PTPRD: variants seen among roughly 807,000 people sequenced by gnomAD.
The protein encoded by PTPRD is protein tyrosine phosphatase receptor type D, also known as receptor-type tyrosine-protein phosphatase delta.
PTPRD carries 34 observed loss-of-function variants against 214.5 expected under a neutral mutation model. The observed-to-expected ratio is 0.16, with a 90% CI of 0.12 to 0.21. The LOEUF is 0.21. Among genes scored for constraint, PTPRD ranks in the 10% least tolerant of loss-of-function variants. The pLI is 1.00. For missense variants in PTPRD, 2,545 were observed against 2,398.7 expected (o/e 1.06, Z -1.27); for synonymous variants, 1,128 against 845.7 (o/e 1.33, Z -5.79).
At chr9:9,946,720 C>T (rs1024493039) in intron 4 of PTPRD, among the ~76,000 whole-genome samples, 1 of 152,066 alleles carries the variant, frequency 6.6e-6, no homozygotes, top group African/African-American at 2.4e-5. Flanking sequence ...AATACAGAGA[C>T]CCTCTAATGT....
intron 9 of PTPRD, among the ~76,000 whole-genome samples, chr9:9,218,532 G>A (rs1418410218): frequency 1.3e-5 from 2 of 152,078 alleles, no homozygotes; most frequent in Non-Finnish European, 2.9e-5. Flanking sequence ...GGTACAGAAA[G>A]GACACTGGTG....
Position 9,450,108 on chromosome 9 carries a change from G to GTC in PTPRD, c.-236-52627_-236-52626insGA, listed in dbSNP as rs551744713. On this transcript the variant is annotated intron_variant, in intron 8 of 45. Transcript: ENST00000381196. ...GTAGTATTCCATGGTGTGTGTGTGT[G>GTC]TGTGTGTGTGTCTGTGTGTGTGTGT... Among the ~76,000 whole-genome samples the GTC allele has an allele frequency of 8.3e-3, 639 of 77,228 alleles. 3 individuals carry two copies. The highest frequency in any genetic ancestry group is 0.026 in the African/African-American group (581 of 22,784). The allele number at this position is 77,228 out of a possible 152,430, so 50.7% of individuals were successfully genotyped here.
intron 10 of PTPRD, among the ~76,000 whole-genome samples, chr9:9,090,109 A>G (rs1005503947): frequency 6.6e-6 from 1 of 152,116 alleles, no homozygotes; most frequent in Non-Finnish European, 1.5e-5. Flanking sequence ...GAAATATACA[A>G]TATATTGTTG....
intron 5 of PTPRD, among the ~76,000 whole-genome samples, chr9:9,782,494 G>T (rs1029733517): frequency 3.3e-5 from 5 of 152,134 alleles, no homozygotes; most frequent in African/African-American, 4.8e-5. Context: ...ATTAACTGAG[G>T]AAAGAATATT....
intron 3 of PTPRD, among the ~76,000 whole-genome samples, chr9:10,114,751 C>G (rs913875993): frequency 6.6e-6 from 1 of 151,932 alleles, no homozygotes; most frequent in African/African-American, 2.4e-5. Context: ...TAAAACAATG[C>G]TAATATAGCT....
intron 37 of PTPRD, among the ~76,000 whole-genome samples, chr9:8,379,526 A>G (rs2084308657): frequency 6.6e-6 from 1 of 152,190 alleles, no homozygotes; most frequent in South Asian, 2.1e-4. Context: ...AGTGAGAAAG[A>G]AAAAGGAGAA....
chr9:10,014,237 C>T (rs760265046), intron 4 of PTPRD, among the ~76,000 whole-genome samples: 6 of 151,904 alleles, frequency 3.9e-5, no homozygotes, highest in Non-Finnish European at 7.4e-5. Flanking sequence ...ATGTTTTTCT[C>T]ACTTCACAGA....
intron 11 of PTPRD, among the ~76,000 whole-genome samples, chr9:9,006,112 G>A (rs1165965919): frequency 6.6e-6 from 1 of 151,930 alleles, no homozygotes; most frequent in Non-Finnish European, 1.5e-5. Context: ...GAAGCACAGT[G>A]CAACTGATTC....
chr9:9,402,989 AC>A (rs1241388440), intron 8 of PTPRD, among the ~76,000 whole-genome samples: 322 of 120,592 alleles, frequency 2.7e-3, no homozygotes, highest in Non-Finnish European at 3.1e-3. Flanking sequence ...AAAAAAAAAA[AC>A]ACCAAAAAAA....
chr9:10,154,072 A>C (rs2099078734), intron 3 of PTPRD, among the ~76,000 whole-genome samples: 1 of 152,158 alleles, frequency 6.6e-6, no homozygotes, highest in Non-Finnish European at 1.5e-5. Flanking sequence ...CAATGGTTGA[A>C]TTAATTTACA....
intron 11 of PTPRD, among the ~76,000 whole-genome samples, chr9:8,751,583 T>C (rs1316673597): frequency 6.6e-6 from 1 of 152,216 alleles, no homozygotes; most frequent in Non-Finnish European, 1.5e-5. Context: ...ACATTCTTTC[T>C]TTCAGGATTT....
chr9:9,785,734 A>T (rs909790942), intron 5 of PTPRD, among the ~76,000 whole-genome samples: 1 of 152,242 alleles, frequency 6.6e-6, no homozygotes, highest in African/African-American at 2.4e-5. Context: ...GTCTCATATT[A>T]ATTAATATTA....
At chr9:8,935,855 C>T in intron 11 of PTPRD, among the ~76,000 whole-genome samples, 1 of 152,108 alleles carries the variant, frequency 6.6e-6, no homozygotes, top group East Asian at 1.9e-4. Context: ...ATACAGTTTC[C>T]TTTTGGGGTT....
intron 11 of PTPRD, among the ~76,000 whole-genome samples, chr9:8,770,598 C>A (rs768996980): frequency 4.6e-5 from 7 of 152,128 alleles, no homozygotes; most frequent in Non-Finnish European, 1.0e-4. Flanking sequence ...CAAAATCTTA[C>A]ACTTCAGACC....
chr9:9,894,187 A>C (rs929478209), intron 5 of PTPRD, among the ~76,000 whole-genome samples: 1 of 151,038 alleles, frequency 6.6e-6, no homozygotes, highest in Non-Finnish European at 1.5e-5. Flanking sequence ...TCTCCCCTAA[A>C]CTCCTTCAAC....
chr9:8,709,975 A>C (rs2098295666), intron 12 of PTPRD, among the ~76,000 whole-genome samples: 1 of 152,180 alleles, frequency 6.6e-6, no homozygotes, highest in African/African-American at 2.4e-5. Flanking sequence ...TTATGAACAA[A>C]CAGCGAACAA....
chr9:9,719,011 G>C (rs1454352750), intron 7 of PTPRD, among the ~76,000 whole-genome samples: 2 of 152,190 alleles, frequency 1.3e-5, no homozygotes, highest in Admixed American at 6.5e-5. Flanking sequence ...CAGGATGCCA[G>C]TTTTGGGTGG....
rs186726467 is a variant in PTPRD, at chr9:8,679,591, A to T, written c.65-42747T>A. ...AAATTGCTAAATTATCTTTTAAAAG[A>T]TTCACCAATTATGTTGCAGGAAAAA... On this transcript the variant is annotated intron_variant, in intron 12 of 45. Transcript: ENST00000381196. Among the ~76,000 whole-genome samples, 494 of 152,360 alleles carry T rather than the reference A, an allele frequency of 3.2e-3. 4 individuals carry two copies. The highest frequency in any genetic ancestry group is 0.011 in the African/African-American group (448 of 41,590).
chr9:9,603,052 CT>C (rs2093895417), intron 7 of PTPRD, among the ~76,000 whole-genome samples: 1 of 151,910 alleles, frequency 6.6e-6, no homozygotes, highest in Admixed American at 6.6e-5. Context: ...AAAAAGAATT[CT>C]TGATTGAAAT....
Sources: gnomAD v4.1 joint callset for allele counts (sites outside exome capture counted in the v4.1 genomes callset) on GRCh38, gnomAD v4.1.1 for gene constraint, MANE v1.5 for transcripts, NCBI Gene and HGNC (gene_info 2026-07-23, HGNC 2026-07-21) for gene names.